DRC11: variants seen among roughly 807,000 people sequenced by gnomAD.
DRC11 encodes the protein IQ and AAA domain-containing protein 1.
the DRC11 span, chr2:236,344,616 C>T: frequency 1.2e-6 from 2 of 1,613,714 alleles, no homozygotes; most frequent in Non-Finnish European, 1.7e-6. Context: ...TCAATCCACA[C>T]CACGGAGGGC....
the DRC11 span, among the ~76,000 whole-genome samples, chr2:236,386,803 G>A: frequency 1.5e-4 from 23 of 149,724 alleles, no homozygotes; most frequent in Non-Finnish European, 5.9e-5. Flanking sequence ...GGCACTTAGT[G>A]CTATAAATTT....
At chr2:236,424,874 G>GT in the DRC11 span, among the ~76,000 whole-genome samples, 1 of 151,646 alleles carries the variant, frequency 6.6e-6, no homozygotes. Flanking sequence ...AAGTTAAATT[G>GT]TTTTTTTAGA....
chr2:236,410,844 T>G, the DRC11 span, among the ~76,000 whole-genome samples: 2 of 146,918 alleles, frequency 1.4e-5, no homozygotes, highest in Non-Finnish European at 3.0e-5. Context: ...GCTAGCCATA[T>G]GTAGAAAGCT....
chr2:236,404,950 C>T, the DRC11 span, among the ~76,000 whole-genome samples: 7 of 152,212 alleles, frequency 4.6e-5, 1 homozygote, highest in South Asian at 8.3e-4. Flanking sequence ...GTCTTCACTC[C>T]GCGGAAGGGG....
chr2:236,408,988 T>C, the DRC11 span: 2 of 708,766 alleles, frequency 2.8e-6, no homozygotes, highest in Non-Finnish European at 2.6e-6. This position sits in a 1 kb window ranked among gnomAD's most constrained non-coding sequence, Gnocchi z 5.5. Flanking sequence ...TTAGGGCAGC[T>C]CTTCACCTTC....
At chr2:236,445,394 G>A in the DRC11 span, among the ~76,000 whole-genome samples, 5 of 151,960 alleles carry the variant, frequency 3.3e-5, no homozygotes, top group Admixed American at 6.6e-5. The surrounding 1 kb of genome is among the most constrained non-coding windows in gnomAD (Gnocchi z 4.8). Flanking sequence ...GTGCAGTGGC[G>A]CAATATTGGC....
chr2:236,342,661 C>T, the DRC11 span, among the ~76,000 whole-genome samples: 239 of 151,756 alleles, frequency 1.6e-3, 1 homozygote, highest in African/African-American at 5.7e-3. This position sits in a 1 kb window ranked among gnomAD's most constrained non-coding sequence, Gnocchi z 5.8. Flanking sequence ...GGCATGCACA[C>T]GCAATGGTTT....
chr2:236,357,216 ATATATCTAT>A, the DRC11 span, among the ~76,000 whole-genome samples: 1 of 121,454 alleles, frequency 8.2e-6, no homozygotes, highest in African/African-American at 3.5e-5. Flanking sequence ...TTCATATAGT[ATATATCTAT>A]TATAAATGTA....
chr2:236,502,522 G>A, the DRC11 span, among the ~76,000 whole-genome samples: 1 of 98,984 alleles, frequency 1.0e-5, no homozygotes, highest in South Asian at 3.8e-4. Flanking sequence ...GTTGCAGTGA[G>A]CCGAGATCTC....
At chr2:236,316,731 A>G in the DRC11 span, among the ~76,000 whole-genome samples, 2 of 152,128 alleles carry the variant, frequency 1.3e-5, no homozygotes, top group African/African-American at 4.8e-5. This position sits in a 1 kb window ranked among gnomAD's most constrained non-coding sequence, Gnocchi z 6.8. Flanking sequence ...GATACGACAC[A>G]CTCCAGAGTG....
chr2:236,328,163 G>A, the DRC11 span, among the ~76,000 whole-genome samples: 1 of 151,884 alleles, frequency 6.6e-6, no homozygotes, highest in African/African-American at 2.4e-5. The surrounding 1 kb of genome is among the most constrained non-coding windows in gnomAD (Gnocchi z 6.7). Flanking sequence ...ATTGCTTGTG[G>A]CTCATAATTT....
At chr2:236,313,170 G>C in the DRC11 span, among the ~76,000 whole-genome samples, 1 of 151,980 alleles carries the variant, frequency 6.6e-6, no homozygotes, top group Admixed American at 6.6e-5. This position sits in a 1 kb window ranked among gnomAD's most constrained non-coding sequence, Gnocchi z 4.5. Context: ...GATTTTATGA[G>C]GTCTTGATAT....
the DRC11 span, among the ~76,000 whole-genome samples, chr2:236,356,540 G>A: frequency 0.066 from 8,745 of 133,264 alleles, no homozygotes; most frequent in Non-Finnish European, 0.098. Flanking sequence ...AAATCCAGAG[G>A]TCAGACCTCT....
chr2:236,442,813 G>A, the DRC11 span, among the ~76,000 whole-genome samples: 1 of 152,074 alleles, frequency 6.6e-6, no homozygotes, highest in East Asian at 1.9e-4. Flanking sequence ...ATTTTTTTCT[G>A]GAAGGTTCAA....
At chr2:236,461,381 G>T in the DRC11 span, among the ~76,000 whole-genome samples, 2 of 152,194 alleles carry the variant, frequency 1.3e-5, 1 homozygote, top group Admixed American at 1.3e-4. The surrounding 1 kb of genome is among the most constrained non-coding windows in gnomAD (Gnocchi z 4.0). Context: ...TTAATCAGAA[G>T]ATTTAATTCT....
At chr2:236,486,368 C>CA in the DRC11 span, among the ~76,000 whole-genome samples, 1 of 152,080 alleles carries the variant, frequency 6.6e-6, no homozygotes, top group African/African-American at 2.4e-5. This position sits in a 1 kb window ranked among gnomAD's most constrained non-coding sequence, Gnocchi z 5.7. Context: ...TGTGAGACAA[C>CA]AAATTGGTGT....
the DRC11 span, among the ~76,000 whole-genome samples, chr2:236,393,736 C>T: frequency 0.079 from 11,985 of 152,176 alleles, 757 homozygotes; most frequent in African/African-American, 0.17. This position sits in a 1 kb window ranked among gnomAD's most constrained non-coding sequence, Gnocchi z 4.7. Context: ...CCTGGGGAGA[C>T]TCTGAGGCAA....
the DRC11 span, among the ~76,000 whole-genome samples, chr2:236,357,083 A>ATATATTTATATATTCATATATTATATATC: frequency 7.5e-5 from 8 of 106,232 alleles, 2 homozygotes; most frequent in African/African-American, 3.4e-4. Flanking sequence ...TTATATATCT[A>ATATATTTATATATTCATATATTATATATC]TATATTTTAT....
At chr2:236,402,271 T>C in the DRC11 span, among the ~76,000 whole-genome samples, 1 of 152,218 alleles carries the variant, frequency 6.6e-6, no homozygotes, top group African/African-American at 2.4e-5. This position sits in a 1 kb window ranked among gnomAD's most constrained non-coding sequence, Gnocchi z 6.0. Context: ...CACAGCCCCC[T>C]GAGACCACGG....
Sources: allele counts gnomAD v4.1 joint callset (sites outside exome capture counted in the v4.1 genomes callset), GRCh38; gene constraint gnomAD v4.1.1; non-coding constraint Gnocchi (gnomAD v3.1); transcripts MANE v1.5; gene names NCBI Gene and HGNC (gene_info 2026-07-23, HGNC 2026-07-21).